FAM107B: variants seen among roughly 807,000 people sequenced by gnomAD.
FAM107B encodes the protein protein FAM107B.
A neutral mutation model predicts 31.5 loss-of-function variants in FAM107B; 21 were observed. The ratio of observed to expected loss-of-function variants is 0.67; its 90% confidence interval spans 0.47 to 0.96. FAM107B has a LOEUF of 0.96. Among genes scored for constraint, FAM107B ranks in the 40% least tolerant of loss-of-function variants. The pLI is 0.00. For synonymous variants in FAM107B, 157 were observed against 141.5 expected, an observed-to-expected ratio of 1.11 and a Z score of -0.78; for missense variants, 452 against 377.1, an observed-to-expected ratio of 1.20 and a Z score of -1.64.
At chr10:14,693,192 A>G (rs1420280184) in intron 1 of FAM107B, among the ~76,000 whole-genome samples, 1 of 152,222 alleles carries the variant, frequency 6.6e-6, no homozygotes, top group Non-Finnish European at 1.5e-5. Context: ...TTTAAGGTAT[A>G]TGGCCGGGCG....
rs117185742 is a variant in FAM107B, at chr10:14,682,987, A to G, written c.412-15296T>C. On this transcript the variant is annotated intron_variant, in intron 1 of 4. Transcript: ENST00000181796. ...GACATAAGGGGTCCTCCTGCAGCAA[A>G]GACTGCAAAGCATTGTCAGAGAAAC... 2.8e-3 allele frequency among the ~76,000 whole-genome samples: 424 copies of G among 152,362 alleles called. 7 individuals carry two copies. The East Asian group carries it at 0.037, about 13-fold the overall frequency.
chr10:14,599,815 T>C (rs1852315291), intron 2 of FAM107B, among the ~76,000 whole-genome samples: 1 of 150,402 alleles, frequency 6.6e-6, no homozygotes, highest in Admixed American at 6.6e-5. Context: ...AGTGCCAGCG[T>C]GTACCCTGCT....
chr10:14,647,120 A>T lies in FAM107B; in HGVS notation c.469+20514T>A, dbSNP rs112562978. On this transcript the variant is annotated intron_variant, in intron 2 of 4. Transcript: ENST00000181796. ...CATTTTCTCCTCTTTTAAATGGAGAACTTCCTAAGATGGGCCATTCACGTT... is the reference window on the plus strand; with the variant it reads ...CATTTTCTCCTCTTTTAAATGGAGATCTTCCTAAGATGGGCCATTCACGTT... Among the ~76,000 whole-genome samples the T allele has an allele frequency of 6.3e-3, 966 of 152,184 alleles. 10 individuals carry two copies. Among genetic ancestry groups the T allele is most frequent in the African/African-American group, 0.022 (927 of 41,530 alleles).
At chr10:14,723,112 G>T in intron 1 of FAM107B, 1 of 393,590 alleles carries the variant, frequency 2.5e-6, no homozygotes. Context: ...AGAGATTGAT[G>T]TTTATTTTCC....
At chr10:14,531,869 C>T (rs974159622) in intron 2 of FAM107B, among the ~76,000 whole-genome samples, 2 of 152,044 alleles carry the variant, frequency 1.3e-5, no homozygotes, top group South Asian at 2.1e-4. Context: ...GGGAATGAAA[C>T]GTATATATAT....
intron 2 of FAM107B, among the ~76,000 whole-genome samples, chr10:14,595,656 C>T (rs911522551): frequency 6.6e-6 from 1 of 152,052 alleles, no homozygotes; most frequent in African/African-American, 2.4e-5. Context: ...AAACTTTTTA[C>T]TTCTCTCCCC....
rs1554759123 is a variant in FAM107B at position 14,772,360 on chromosome 10, A to ATAT, written c.411+1892_411+1893insATA. ...CAGAGCAAGACTCCATCTTAAAAAA[A>ATAT]AAATATATATATATATATATGCACC... On this transcript the variant is annotated intron_variant, in intron 1 of 4. Transcript: ENST00000181796. Among the ~76,000 whole-genome samples, 724 of 137,882 alleles carry ATAT rather than the reference A, an allele frequency of 5.3e-3. 3 individuals carry two copies. The highest frequency in any genetic ancestry group is 0.024 in the African/African-American group (693 of 29,300). The allele number at this position is 137,882 out of a possible 152,430, so 90.5% of individuals were successfully genotyped here. A position where few individuals can be genotyped will look rare whatever the true frequency, so the allele number is the denominator to read the frequency against.
intron 2 of FAM107B, among the ~76,000 whole-genome samples, chr10:14,651,433 C>T (rs1853896035): frequency 6.6e-6 from 1 of 152,094 alleles, no homozygotes; most frequent in South Asian, 2.1e-4. Context: ...TGGAGAGACC[C>T]CGTCACTACT....
intron 2 of FAM107B, among the ~76,000 whole-genome samples, chr10:14,560,728 C>A (rs904396087): frequency 6.6e-6 from 1 of 152,186 alleles, no homozygotes; most frequent in African/African-American, 2.4e-5. Context: ...ATGTCTGGTG[C>A]ACCAGTTTAT....
intron 2 of FAM107B, among the ~76,000 whole-genome samples, chr10:14,566,532 A>C (rs1199840530): frequency 2.6e-5 from 4 of 152,130 alleles, no homozygotes; most frequent in African/African-American, 9.7e-5. Context: ...CCTGGCGCCC[A>C]CCTGGACAGC....
intron 3 of FAM107B, chr10:14,527,852 A>G (rs915503764): frequency 1.7e-5 from 4 of 238,270 alleles, no homozygotes; most frequent in Admixed American, 1.6e-4. Flanking sequence ...TCTAAAAAGT[A>G]TACAAAATAA....
At position 14,660,401 on chromosome 10, in the gene FAM107B, T is replaced by C. The variant is rs137918002; in HGVS notation, c.469+7233A>G. On this transcript the variant is annotated intron_variant, in intron 2 of 4. Coordinates refer to ENST00000181796, the MANE Select transcript of FAM107B (RefSeq NM_031453.4). ...CCACTAGAAAGAATGCAACTTATTT[T>C]CAAAAAGAATTATCTCAAGAAAGCA... is the stretch of plus-strand genomic sequence containing the variant. Among the ~76,000 whole-genome samples the C allele has an allele frequency of 3.3e-4, 50 of 152,280 alleles. 1 individual carries two copies. The highest frequency in any genetic ancestry group is 1.1e-3 in the African/African-American group (47 of 41,562).
intron 1 of FAM107B, among the ~76,000 whole-genome samples, chr10:14,721,706 T>G (rs1204012263): frequency 1.3e-5 from 2 of 152,254 alleles, no homozygotes; most frequent in African/African-American, 4.8e-5. Flanking sequence ...TGGTTTATCT[T>G]TTAAATTTGT....
intron 1 of FAM107B, among the ~76,000 whole-genome samples, chr10:14,755,578 C>T (rs918014756): frequency 1.3e-5 from 2 of 152,048 alleles, no homozygotes; most frequent in African/African-American, 4.8e-5. Context: ...ACACCATCAT[C>T]CTCAATTTAA....
intron 2 of FAM107B, among the ~76,000 whole-genome samples, chr10:14,616,703 G>A (rs914516032): frequency 9.2e-5 from 14 of 152,168 alleles, no homozygotes; most frequent in Non-Finnish European, 1.3e-4. Context: ...CAAGCAGATC[G>A]CTTGAGCCCA....
In FAM107B at chr10:14,685,066, C is replaced by T. The variant is rs1384549109; in HGVS notation, c.412-17375G>A. Among the ~76,000 whole-genome samples the T allele has an allele frequency of 2.6e-5, 4 of 152,026 alleles. No homozygotes were observed. The East Asian group carries it at 7.7e-4, about 29-fold the overall frequency. On this transcript the variant is annotated intron_variant, in intron 1 of 4. Transcript: ENST00000181796. ...AGGGTGCCCAGGGTGGTCTCTAGCTCCTGGGCTCAAGTGAATCTCCCAAAG... is the reference window on the plus strand; with the variant it reads ...AGGGTGCCCAGGGTGGTCTCTAGCTTCTGGGCTCAAGTGAATCTCCCAAAG...
At chr10:14,625,868 T>TGAAAAA (rs565458479) in intron 2 of FAM107B, among the ~76,000 whole-genome samples, 2 of 108,916 alleles carry the variant, frequency 1.8e-5, no homozygotes, top group Non-Finnish European at 3.5e-5. Flanking sequence ...GCTCATGGAT[T>TGAAAAA]AAAAAAAAAA....
chr10:14,759,196 A>G (rs1308428518), intron 1 of FAM107B, among the ~76,000 whole-genome samples: 1 of 151,322 alleles, frequency 6.6e-6, no homozygotes, highest in East Asian at 1.9e-4. Context: ...AAATAAATAA[A>G]TAAATAAATA....
In FAM107B at chr10:14,584,921, T is replaced by C. The variant is rs116514780; in HGVS notation, c.470-54406A>G. ...TTTGTAACTTCACTTCAGCCTGTAA[T>C]TGGTTGCTTCCTGCAACCAATCAGA... On this transcript the variant is annotated intron_variant, in intron 2 of 4. Transcript: ENST00000181796. 7.7e-3 allele frequency among the ~76,000 whole-genome samples: 1,173 copies of C among 152,320 alleles called. 17 individuals are homozygous for C. The highest frequency in any genetic ancestry group is 0.027 in the African/African-American group (1,108 of 41,570).
Sources: allele counts gnomAD v4.1 joint callset (sites outside exome capture counted in the v4.1 genomes callset), GRCh38; gene constraint gnomAD v4.1.1; transcripts MANE v1.5; gene names NCBI Gene and HGNC (gene_info 2026-07-23, HGNC 2026-07-21).